Variants in VGLL3 observed in about 807,000 individuals in gnomAD.
The protein encoded by VGLL3 is vestigial like family member 3.
A neutral mutation model predicts 29.2 loss-of-function variants in VGLL3; 18 were observed. That is an observed-to-expected ratio of 0.62 (90% CI 0.43 to 0.91). VGLL3 has a LOEUF of 0.91. VGLL3 is among the 40% of genes least tolerant of loss of function. VGLL3 has a pLI of 0.00. For synonymous variants in VGLL3, 180 were observed against 151.8 expected, an observed-to-expected ratio of 1.19 and a Z score of -1.36; for missense variants, 440 against 413.2, an observed-to-expected ratio of 1.06 and a Z score of -0.56.
chr3:86,983,346 A>G (rs1213961121), intron 1 of VGLL3, among the ~76,000 whole-genome samples: 1 of 152,188 alleles, frequency 6.6e-6, no homozygotes, highest in Non-Finnish European at 1.5e-5. Flanking sequence ...AGAGGACATA[A>G]AAGCAGCACA....
At position 86,942,262 on chromosome 3, in the gene VGLL3, C is replaced by T. The variant is rs1704414891; in HGVS notation, c.*4762G>A. On this transcript the variant is annotated 3_prime_UTR_variant, in exon 4 of 4. Transcript: ENST00000398399. ...CCCATACAGTTTCTGCTGTCTTTCC[C>T]TTGGCTGCAAAGGTGATCAATCAGG... The T allele has an allele frequency of 6.6e-6, 1 of 152,140 alleles. No homozygotes were observed. The highest frequency in any genetic ancestry group is 2.4e-5 in the African/African-American group (1 of 41,432). 9.4% of individuals were successfully genotyped at this position (152,140 alleles called of 1,614,324 possible).
chr3:86,956,942 T>G (rs899312136), intron 3 of VGLL3, among the ~76,000 whole-genome samples: 7 of 152,158 alleles, frequency 4.6e-5, no homozygotes, highest in African/African-American at 1.7e-4. Flanking sequence ...ATTTGCAACT[T>G]TTAAGGATTA....
At chr3:86,966,978 T>C (rs1704979283) in intron 3 of VGLL3, among the ~76,000 whole-genome samples, 1 of 151,594 alleles carries the variant, frequency 6.6e-6, no homozygotes, top group Non-Finnish European at 1.5e-5. Context: ...GGTGTGAGAA[T>C]GGCTTTTCAT....
chr3:86,972,782 T>C (rs1431635604), intron 2 of VGLL3, among the ~76,000 whole-genome samples: 1 of 152,214 alleles, frequency 6.6e-6, no homozygotes, highest in African/African-American at 2.4e-5. Flanking sequence ...TTAACCAATA[T>C]TTGGATGATG....
In VGLL3 at chr3:86,945,792, A is replaced by T. The variant is rs766411099; in HGVS notation, c.*1232T>A. On this transcript the variant is annotated 3_prime_UTR_variant, in exon 4 of 4. Transcript: ENST00000398399. Reference sequence around the variant, plus strand: ...TCTAAAAAGGAATTAAATCAAGTAAAGCCAGATTTAAACAAACAAAAAAAG... The same window carrying T: ...TCTAAAAAGGAATTAAATCAAGTAATGCCAGATTTAAACAAACAAAAAAAG... 3 of 152,166 alleles carry T rather than the reference A, an allele frequency of 2.0e-5. No homozygotes were observed. The highest frequency in any genetic ancestry group is 1.9e-4 in the East Asian group (1 of 5,192). The allele number at this position is 152,166 out of a possible 1,614,324, so 9.4% of individuals were successfully genotyped here.
chr3:86,971,645 C>T (rs1294854476), intron 2 of VGLL3, among the ~76,000 whole-genome samples: 5 of 152,144 alleles, frequency 3.3e-5, no homozygotes, highest in African/African-American at 4.8e-5. Context: ...TAACAATCGT[C>T]TCTTTGCAAC....
Position 86,969,175 on chromosome 3 carries a change from A to G in VGLL3, c.404-52T>C, listed in dbSNP as rs1050509684. On this transcript the variant is annotated intron_variant, in intron 2 of 3. Coordinates refer to ENST00000398399, the MANE Select transcript of VGLL3 (RefSeq NM_016206.4). ...TATTAACATAAGACTCAGTTTTGGG[A>G]TAGACTTGCCTCTAATTGTCCACTC... 3.3e-6 allele frequency: 5 copies of G among 1,514,090 alleles called. No individual in the cohort carries two copies. The African/African-American group carries it at 4.2e-5, about 13-fold the overall frequency. 93.8% of individuals were successfully genotyped at this position (1,514,090 alleles called of 1,614,324 possible).
In VGLL3 at chr3:86,990,805, G is replaced by C; in HGVS notation, c.-62C>G. The C allele has an allele frequency of 8.2e-7, 1 of 1,224,408 alleles. No homozygotes were observed. The allele number at this position is 1,224,408 out of a possible 1,614,324, so 75.8% of individuals were successfully genotyped here. On this transcript the variant is annotated 5_prime_UTR_variant, in exon 1 of 4. Transcript: ENST00000398399. ...GCCGCTCTACGCGCTGGCGCGAGGG[G>C]CGCGGGCGCCGCCGCCGCCGCAGCT...
At chr3:86,951,899 G>A (rs13087787) in intron 3 of VGLL3, among the ~76,000 whole-genome samples, 112,994 of 152,000 alleles carry the variant, frequency 0.74, 42,101 homozygotes, top group East Asian at 0.81. Context: ...CACAAACACT[G>A]GGAACTGAAT....
chr3:86,979,297 T>G (rs1487923737), intron 1 of VGLL3, among the ~76,000 whole-genome samples: 1 of 152,162 alleles, frequency 6.6e-6, no homozygotes, highest in African/African-American at 2.4e-5. Context: ...AAAACAGGAA[T>G]GTAGCATCTT....
chr3:86,988,175 C>A (rs1427809577), intron 1 of VGLL3, among the ~76,000 whole-genome samples: 3 of 152,100 alleles, frequency 2.0e-5, no homozygotes, highest in Admixed American at 6.5e-5. Context: ...TCTTTTCTAG[C>A]ATTTTTTAAA....
intron 1 of VGLL3, among the ~76,000 whole-genome samples, chr3:86,980,251 A>G (rs1167410699): frequency 1.3e-5 from 2 of 152,066 alleles, no homozygotes; most frequent in Admixed American, 1.3e-4. Context: ...CCCAGACTCT[A>G]TATTTCTAAT....
intron 2 of VGLL3, among the ~76,000 whole-genome samples, chr3:86,973,874 G>C (rs923939896): frequency 6.6e-6 from 1 of 152,162 alleles, no homozygotes; most frequent in Non-Finnish European, 1.5e-5. Context: ...TTAGCATTCT[G>C]TATGGTTTTA....
At chr3:86,962,313 GT>G in intron 3 of VGLL3, 1 of 985,378 alleles carries the variant, frequency 1.0e-6, no homozygotes, top group Non-Finnish European at 1.2e-6. Flanking sequence ...CAAGACAGAG[GT>G]TAGAGGAATA....
chr3:86,969,285 G>A (rs973407318), intron 2 of VGLL3, among the ~76,000 whole-genome samples, 162 bp from the exon 3 acceptor site: 1 of 152,284 alleles, frequency 6.6e-6, no homozygotes, highest in East Asian at 1.9e-4. Flanking sequence ...TACCAGGTTG[G>A]CCTCTGGGCT....
intron 3 of VGLL3, among the ~76,000 whole-genome samples, chr3:86,947,928 G>T: frequency 1.3e-5 from 2 of 151,546 alleles, no homozygotes; most frequent in East Asian, 1.9e-4. Flanking sequence ...CAATTTGCAC[G>T]TACTCGAAGT....
At chr3:86,957,920 T>G (rs1244530779) in intron 3 of VGLL3, among the ~76,000 whole-genome samples, 1 of 152,174 alleles carries the variant, frequency 6.6e-6, no homozygotes, top group Non-Finnish European at 1.5e-5. Context: ...CAAACTCCTA[T>G]TAGTGACCTC....
At chr3:86,975,395 A>G (rs1705186678) in intron 2 of VGLL3, among the ~76,000 whole-genome samples, 1 of 152,218 alleles carries the variant, frequency 6.6e-6, no homozygotes, top group Non-Finnish European at 1.5e-5. Context: ...TCTAATTCAC[A>G]ACTTAAGACA....
intron 1 of VGLL3, among the ~76,000 whole-genome samples, chr3:86,986,919 G>C (rs985549731): frequency 1.3e-5 from 2 of 151,930 alleles, no homozygotes; most frequent in Admixed American, 1.3e-4. Flanking sequence ...CCAAGGACTT[G>C]GAAAGAATCT....
Sources: gnomAD v4.1 joint callset for allele counts (sites outside exome capture counted in the v4.1 genomes callset) on GRCh38, gnomAD v4.1.1 for gene constraint, MANE v1.5 for transcripts, NCBI Gene and HGNC (gene_info 2026-07-23, HGNC 2026-07-21) for gene names.